Variants in RALGPS1 observed in about 807,000 individuals in gnomAD.
RALGPS1 encodes the protein Ral GEF with PH domain and SH3 binding motif 1, also known as ras-specific guanine nucleotide-releasing factor RalGPS1.
RALGPS1 carries 19 observed loss-of-function variants against 78.8 expected under a neutral mutation model. The observed-to-expected ratio is 0.24, with a 90% CI of 0.17 to 0.35. The LOEUF (loss-of-function observed/expected upper bound fraction) is 0.35. RALGPS1 is among the 10% of genes least tolerant of loss of function. The probability of loss-of-function intolerance (pLI) is 1.00; values close to 1 mark genes in which losing one functional copy is unlikely to be tolerated. For synonymous variants in RALGPS1, 228 were observed against 256.3 expected (o/e 0.89, Z 1.06); for missense variants, 454 against 688.3 (o/e 0.66, Z 3.81).
At chr9:127,173,470 A>T in intron 10 of RALGPS1, among the ~76,000 whole-genome samples, 1 of 152,102 alleles carries the variant, frequency 6.6e-6, no homozygotes, top group Middle Eastern at 3.2e-3. Flanking sequence ...CATGGCTTTA[A>T]ATTATGCCCC....
chr9:126,994,406 G>A (rs535300653), intron 4 of RALGPS1, among the ~76,000 whole-genome samples: 5 of 152,270 alleles, frequency 3.3e-5, no homozygotes, highest in South Asian at 2.1e-4. Flanking sequence ...TAGCCGATGC[G>A]ATCAACTGGA....
chr9:127,107,990 G>A (rs1286803271), intron 8 of RALGPS1: 1 of 1,588,156 alleles, frequency 6.3e-7, no homozygotes. Context: ...AGCACCTTCA[G>A]GTTCTGGTCA....
rs995778904 is a variant in RALGPS1 at position 126,949,306 on chromosome 9, A to T, written c.-65-12919A>T. Among the ~76,000 whole-genome samples, 28 of 152,340 alleles carry T rather than the reference A, an allele frequency of 1.8e-4. No homozygotes were observed. The South Asian group carries it at 4.4e-3, about 24-fold the overall frequency. ...ATGTGTCTTTATAGCAGCATGATTT[A>T]TAGTCCTTTGGGTATATACCCAGTA... On this transcript the variant is annotated intron_variant, in intron 1 of 18. Coordinates refer to ENST00000259351, the MANE Select transcript of RALGPS1 (RefSeq NM_014636.3).
chr9:127,053,006 C>A, intron 7 of RALGPS1, 67 bp downstream of exon 7: 1 of 1,105,080 alleles, frequency 9.0e-7, no homozygotes, highest in Non-Finnish European at 1.4e-6. Flanking sequence ...CTTCATTCCA[C>A]AAGCCCCAGC....
intron 8 of RALGPS1, among the ~76,000 whole-genome samples, chr9:127,148,105 G>A (rs1489008815): frequency 5.9e-5 from 9 of 152,156 alleles, no homozygotes; most frequent in Non-Finnish European, 1.2e-4. Context: ...ATACTTTTTT[G>A]AGCACACATG....
chr9:126,999,022 G>GT (rs1166069810), intron 4 of RALGPS1, among the ~76,000 whole-genome samples: 112 of 5,488 alleles, frequency 0.02, 1 homozygote, highest in Non-Finnish European at 0.12. Flanking sequence ...CTGTTGTTGG[G>GT]TGGGGGAGGG....
At position 127,220,551 on chromosome 9, in the gene RALGPS1, G is replaced by A. The variant is rs1045596996; in HGVS notation, c.*1782G>A. ...TTGATGCCATCAAACCTTGACACCG[G>A]GTGCTCTGCACACCCACGCGGATGT... On this transcript the variant is annotated 3_prime_UTR_variant, in exon 19 of 19. Transcript: ENST00000259351. The A allele has an allele frequency of 2.0e-5, 3 of 152,118 alleles. No homozygotes were observed. Among genetic ancestry groups the A allele is most frequent in the African/African-American group, 7.2e-5 (3 of 41,402 alleles). The allele number at this position is 152,118 out of a possible 1,614,324, so 9.4% of individuals were successfully genotyped here. A position where few individuals can be genotyped will look rare whatever the true frequency, so the allele number is the denominator to read the frequency against.
At chr9:127,046,080 A>G (rs2135182871) in intron 5 of RALGPS1, among the ~76,000 whole-genome samples, 1 of 152,354 alleles carries the variant, frequency 6.6e-6, no homozygotes, top group East Asian at 1.9e-4. Context: ...AACTGAAAGA[A>G]CTCTCAAAGG....
intron 1 of RALGPS1, among the ~76,000 whole-genome samples, chr9:126,955,759 C>T (rs1392533670): frequency 6.6e-6 from 1 of 152,198 alleles, no homozygotes; most frequent in African/African-American, 2.4e-5. Flanking sequence ...TTGGTTAGGA[C>T]AGTGTCTAGC....
At chr9:126,950,933 A>G (rs564734588) in intron 1 of RALGPS1, among the ~76,000 whole-genome samples, 26,020 of 151,944 alleles carry the variant, frequency 0.17, 3,215 homozygotes, top group Non-Finnish European at 0.22. Context: ...AGACTAATAA[A>G]GAAAAAAAGA....
intron 11 of RALGPS1, among the ~76,000 whole-genome samples, chr9:127,186,492 C>T (rs2151272): frequency 0.66 from 100,859 of 152,150 alleles, 34,171 homozygotes; most frequent in East Asian, 0.74. Flanking sequence ...AGCTCACAAG[C>T]GGTCCCAGAA....
chr9:127,175,701 T>TA (rs1491266327), intron 11 of RALGPS1, among the ~76,000 whole-genome samples: 8 of 111,834 alleles, frequency 7.2e-5, no homozygotes, highest in East Asian at 4.4e-4. Flanking sequence ...TTTTTTTTTT[T>TA]ATCCTATAAA....
In RALGPS1 at chr9:127,220,263, A is replaced by G. The variant is rs2062738631; in HGVS notation, c.*1494A>G. The G allele has an allele frequency of 6.6e-6, 1 of 152,176 alleles. No homozygotes were observed. The highest frequency in any genetic ancestry group is 1.5e-5 in the Non-Finnish European group (1 of 68,036). The allele number at this position is 152,176 out of a possible 1,614,324, so 9.4% of individuals were successfully genotyped here. ...CTGATCAGGCATCAAGCTACCCTCAAGAGTTTCTGGGCTGGATGTTTCAGA... is the reference window on the plus strand; with the variant it reads ...CTGATCAGGCATCAAGCTACCCTCAGGAGTTTCTGGGCTGGATGTTTCAGA... On this transcript the variant is annotated 3_prime_UTR_variant, in exon 19 of 19. Coordinates refer to ENST00000259351, the MANE Select transcript of RALGPS1 (RefSeq NM_014636.3).
At chr9:127,163,646 C>T (rs1009431101) in intron 8 of RALGPS1, among the ~76,000 whole-genome samples, 30 of 152,166 alleles carry the variant, frequency 2.0e-4, no homozygotes, top group African/African-American at 7.2e-4. Context: ...AGGAGGCAGG[C>T]TTGGGTTCAA....
In RALGPS1 at chr9:127,174,791, G is replaced by GCT. The variant is rs1425299916; in HGVS notation, c.910+10_910+11dup. 1.2e-6 allele frequency: 2 copies of GCT among 1,613,556 alleles called. No individual in the cohort carries two copies. Among genetic ancestry groups the GCT allele is most frequent in the South Asian group, 2.2e-5 (2 of 91,078 alleles). On this transcript the variant is annotated intron_variant, in intron 11 of 18. Transcript: ENST00000259351. ...CAAGGAAGATCTTGCAGGTATCGTA[G>GCT]CTACCTCGAGTGGGAGCAAACCCAC...
At chr9:126,964,607 A>G (rs189812955) in intron 2 of RALGPS1, among the ~76,000 whole-genome samples, 226 of 112,668 alleles carry the variant, frequency 2.0e-3, no homozygotes, top group African/African-American at 5.6e-3. Context: ...CATTTTATCC[A>G]GGCCTATCTG....
At chr9:127,191,281 T>C (rs572416613) in intron 11 of RALGPS1, among the ~76,000 whole-genome samples, 3 of 152,354 alleles carry the variant, frequency 2.0e-5, no homozygotes, top group Admixed American at 2.0e-4. Context: ...GGATTTGTGT[T>C]TTTTCTTTCT....
At chr9:127,104,925 G>C (rs1262609419) in intron 8 of RALGPS1, among the ~76,000 whole-genome samples, 1 of 152,234 alleles carries the variant, frequency 6.6e-6, no homozygotes, top group Non-Finnish European at 1.5e-5. Flanking sequence ...ATAAGAACCT[G>C]CCCCAAGCTC....
chr9:127,055,154 A>G (rs1462738627), intron 7 of RALGPS1, among the ~76,000 whole-genome samples: 4 of 152,200 alleles, frequency 2.6e-5, no homozygotes, highest in Non-Finnish European at 5.9e-5. Flanking sequence ...TTCCTCACAC[A>G]TATGCCAAGA....
Sources: allele counts gnomAD v4.1 joint callset (sites outside exome capture counted in the v4.1 genomes callset), GRCh38; gene constraint gnomAD v4.1.1; transcripts MANE v1.5; gene names NCBI Gene and HGNC (gene_info 2026-07-23, HGNC 2026-07-21).